The following CEMIP2 variants were observed in gnomAD, a reference collection of about 807,000 sequenced individuals.
CEMIP2 encodes cell migration inducing hyaluronidase 2, also known as cell surface hyaluronidase CEMIP2.
In CEMIP2, 79 loss-of-function variants were observed where a neutral mutation model predicts 146.9. The ratio of observed to expected loss-of-function variants is 0.54; its 90% CI spans 0.45 to 0.65. The LOEUF is 0.65. Among genes scored for constraint, CEMIP2 ranks in the 30% least tolerant of loss-of-function variants. The pLI, the probability that CEMIP2 is intolerant of heterozygous loss-of-function variation, is 0.00. For synonymous variants in CEMIP2, 601 were observed against 606.3 expected (o/e 0.99, Z 0.13); for missense variants, 1,596 against 1,696.2 (o/e 0.94, Z 1.04).
Position 71,746,318 on chromosome 9 carries a change from G to A in CEMIP2, c.355C>T (p.Arg119Cys), listed in dbSNP as rs188485494. 1.7e-5 allele frequency: 28 copies of A among 1,613,822 alleles called. No homozygotes were observed. Among genetic ancestry groups the A allele is most frequent in the Admixed American group, 5.0e-5 (3 of 60,004 alleles). The change falls in exon 3 of 24, where the codon CGT becomes TGT. Residue 119 changes from arginine (R) to cysteine (C), a missense_variant. Transcript: ENST00000377044. ...PDENCPDQNP[R>C]LRNWDPGQDS... ...TGTCCTGGATCCCAATTCCTGAGAC[G>A]AGGATTTTGATCTGGGCAATTTTCT...
At chr9:71,730,571 G>A in intron 8 of CEMIP2, 134 bp downstream of exon 8, 1 of 907,678 alleles carries the variant, frequency 1.1e-6, no homozygotes, top group Non-Finnish European at 1.6e-6. Flanking sequence ...AAAAATCGTG[G>A]AATGCTCAGA....
At chr9:71,735,951 G>A (rs1029322815) in intron 5 of CEMIP2, among the ~76,000 whole-genome samples, 5 of 151,770 alleles carry the variant, frequency 3.3e-5, no homozygotes, top group Admixed American at 3.3e-4. Context: ...AGAAGTAGCT[G>A]GGCATGGTGG....
At chr9:71,724,552 T>C (rs575277145) in intron 11 of CEMIP2, among the ~76,000 whole-genome samples, 7 of 152,316 alleles carry the variant, frequency 4.6e-5, no homozygotes, top group African/African-American at 1.4e-4. Context: ...CCTTGAACTC[T>C]GGTGCGGGTC....
rs34581447 is a variant in CEMIP2, at chr9:71,755,346, T to TACACACACACACACACACACACAC, written c.-12-4985_-12-4962dup. Among the ~76,000 whole-genome samples the TACACACACACACACACACACACAC allele has an allele frequency of 1.6e-3, 216 of 134,914 alleles. 2 individuals are homozygous for TACACACACACACACACACACACAC. Among genetic ancestry groups the TACACACACACACACACACACACAC allele is most frequent in the African/African-American group, 4.8e-3 (169 of 35,074 alleles). The allele number at this position is 134,914 out of a possible 152,430, so 88.5% of individuals were successfully genotyped here. The stretch of plus-strand genomic sequence containing the variant: ...GGAACCTAGTGAGACACCCTGTCTC[T>TACACACACACACACACACACACAC]ACACACACACACACACACACACACA... On this transcript the variant is annotated intron_variant, in intron 1 of 23. Coordinates refer to ENST00000377044, the MANE Select transcript of CEMIP2 (RefSeq NM_013390.3).
intron 17 of CEMIP2, among the ~76,000 whole-genome samples, chr9:71,706,066 TA>T (rs1340483795): frequency 6.6e-6 from 1 of 151,786 alleles, no homozygotes; most frequent in Non-Finnish European, 1.5e-5. Flanking sequence ...CCGTCTCTAT[TA>T]AAAATACAAA....
intron 1 of CEMIP2, among the ~76,000 whole-genome samples, chr9:71,752,585 T>A (rs562934174): frequency 6.7e-6 from 1 of 150,332 alleles, no homozygotes; most frequent in African/African-American, 2.4e-5. Flanking sequence ...TTCAGAAACA[T>A]GGTGTTTAAC....
chr9:71,735,734 G>T (rs1302147718), intron 5 of CEMIP2, among the ~76,000 whole-genome samples: 1 of 152,112 alleles, frequency 6.6e-6, no homozygotes, highest in Non-Finnish European at 1.5e-5. Context: ...AGTGAGCTAT[G>T]ATCGGGCCAC....
intron 1 of CEMIP2, among the ~76,000 whole-genome samples, chr9:71,762,842 C>A (rs1373303063): frequency 6.6e-6 from 1 of 151,938 alleles, no homozygotes; most frequent in Non-Finnish European, 1.5e-5. Flanking sequence ...GAAACCCTAT[C>A]TCTACAAAAA....
At chr9:71,701,696 T>C (rs1201738869) in intron 18 of CEMIP2, among the ~76,000 whole-genome samples, 4 of 152,324 alleles carry the variant, frequency 2.6e-5, no homozygotes, top group African/African-American at 9.6e-5. Context: ...TATCACTAAA[T>C]GGCCCTAGGA....
chr9:71,759,890 C>G (rs1824579558), intron 1 of CEMIP2, among the ~76,000 whole-genome samples: 1 of 151,580 alleles, frequency 6.6e-6, no homozygotes, highest in Non-Finnish European at 1.5e-5. Flanking sequence ...TCTCCAGGAA[C>G]TTTTTGATCT....
At chr9:71,734,557 CT>C (rs1028716111) in intron 6 of CEMIP2, among the ~76,000 whole-genome samples, 3 of 152,062 alleles carry the variant, frequency 2.0e-5, no homozygotes, top group African/African-American at 7.2e-5. Flanking sequence ...TAGTTGACAT[CT>C]TTTTTTTATA....
At chr9:71,758,964 C>T (rs1824546357) in intron 1 of CEMIP2, among the ~76,000 whole-genome samples, 5 of 152,164 alleles carry the variant, frequency 3.3e-5, no homozygotes, top group Admixed American at 3.3e-4. Context: ...TCACAATCAC[C>T]TGCAACTGTT....
chr9:71,711,640 A>G (rs541292002), intron 16 of CEMIP2, among the ~76,000 whole-genome samples: 1 of 152,246 alleles, frequency 6.6e-6, no homozygotes, highest in South Asian at 2.1e-4. Context: ...TTTGTATCAC[A>G]CTGCCACAGT....
rs73477451 is a variant in CEMIP2, at chr9:71,720,449, C to T, written c.2267+1978G>A. On this transcript the variant is annotated intron_variant, in intron 12 of 23. Coordinates refer to ENST00000377044, the MANE Select transcript of CEMIP2 (RefSeq NM_013390.3). The stretch of plus-strand genomic sequence containing the variant: ...CAGATTACAGATATCTGCCATCATG[C>T]CCAGCTAATTTTTTGTATTTTTAGA... Among the ~76,000 whole-genome samples, 261 of 152,240 alleles carry T rather than the reference C, an allele frequency of 1.7e-3. 2 individuals carry two copies. Among genetic ancestry groups the T allele is most frequent in the African/African-American group, 5.4e-3 (226 of 41,546 alleles).
rs779914782 is a variant in CEMIP2, at chr9:71,750,344, G to C, written c.30C>G (p.Ser10=). The change falls in exon 2 of 24, where the codon TCC becomes TCG. Residue 10 remains serine (S), a synonymous_variant. Coordinates refer to ENST00000377044, the MANE Select transcript of CEMIP2 (RefSeq NM_013390.3). ...CATTCTGAGGTTGGAGGAAAGCAGG[G>C]GAGTGTCCCCTGGAATCAGTGGCAT... MYATDSRGH[S]PAFLQPQNGN... is the part of the protein sequence containing the mutation. 5 of 1,613,234 alleles carry C rather than the reference G, an allele frequency of 3.1e-6. No individual in the cohort carries two copies. The Admixed American group carries it at 8.3e-5, about 27-fold the overall frequency.
At chr9:71,709,131 C>G (rs1381680792) in intron 17 of CEMIP2, 128 bp downstream of exon 17, 9 of 857,676 alleles carry the variant, frequency 1.0e-5, no homozygotes, top group Non-Finnish European at 1.7e-5. Flanking sequence ...AAGGACAGGA[C>G]AGGACAGGAA....
chr9:71,723,236 T>C (rs973747758), intron 11 of CEMIP2, among the ~76,000 whole-genome samples: 4 of 146,720 alleles, frequency 2.7e-5, no homozygotes, highest in Non-Finnish European at 6.0e-5. Context: ...TCAGATCACA[T>C]GGAATTGATG....
intron 21 of CEMIP2, 117 bp from the exon 22 acceptor site, chr9:71,690,363 C>T (rs1822193740): frequency 3.9e-6 from 5 of 1,292,010 alleles, no homozygotes; most frequent in Non-Finnish European, 5.3e-6. Context: ...AGTATATTTC[C>T]AAGATTCAAA....
chr9:71,702,279 A>AAT (rs1437265606), intron 18 of CEMIP2, among the ~76,000 whole-genome samples: 3 of 125,304 alleles, frequency 2.4e-5, no homozygotes, highest in Non-Finnish European at 3.6e-5. Context: ...AAAAAAAAAA[A>AAT]ATATTGTTCA....
Sources: gnomAD v4.1 joint callset for allele counts (sites outside exome capture counted in the v4.1 genomes callset) on GRCh38, gnomAD v4.1.1 for gene constraint, MANE v1.5 for transcripts, NCBI Gene and HGNC (gene_info 2026-07-23, HGNC 2026-07-21) for gene names.